The following CSRNP3 variants were observed in gnomAD, a reference collection of about 807,000 sequenced individuals.
The protein encoded by CSRNP3 is cysteine and serine rich nuclear protein 3, also known as cysteine/serine-rich nuclear protein 3.
Under a neutral mutation model 48.0 loss-of-function variants are expected in CSRNP3, and 12 were observed. The ratio of observed to expected loss-of-function variants is 0.25; its 90% CI spans 0.16 to 0.41. The LOEUF is 0.41. Among genes scored for constraint, CSRNP3 ranks in the 10% least tolerant of loss-of-function variants. The pLI is 1.00. For missense variants in CSRNP3, 580 were observed against 724.4 expected, an observed-to-expected ratio of 0.80 and a Z score of 2.29; for synonymous variants, 263 against 269.7, an observed-to-expected ratio of 0.98 and a Z score of 0.24.
chr2:165,490,435 T>C (rs1211092693), intron 1 of CSRNP3, among the ~76,000 whole-genome samples: 2 of 129,818 alleles, frequency 1.5e-5, no homozygotes, highest in Non-Finnish European at 3.2e-5. Flanking sequence ...CTTCACAGAA[T>C]TGGAAAAAAC....
chr2:165,506,191 C>T (rs977970728), intron 2 of CSRNP3, among the ~76,000 whole-genome samples: 6 of 152,158 alleles, frequency 3.9e-5, no homozygotes, highest in Admixed American at 3.9e-4. Context: ...ATATTACTCT[C>T]TTCTTGAAGA....
chr2:165,565,673 A>C (rs969094090), intron 3 of CSRNP3, among the ~76,000 whole-genome samples: 5 of 152,054 alleles, frequency 3.3e-5, no homozygotes, highest in African/African-American at 1.2e-4. Flanking sequence ...ATATCAAGGA[A>C]GCCAGCCACT....
intron 4 of CSRNP3, among the ~76,000 whole-genome samples, chr2:165,600,504 A>G (rs1685896604): frequency 6.6e-6 from 1 of 152,192 alleles, no homozygotes; most frequent in Non-Finnish European, 1.5e-5. Context: ...CTGAGGAATC[A>G]CCACACTGAC....
intron 3 of CSRNP3, among the ~76,000 whole-genome samples, chr2:165,588,473 G>A (rs1356297128): frequency 6.6e-6 from 1 of 152,232 alleles, no homozygotes; most frequent in African/African-American, 2.4e-5. Context: ...GAGAATAATT[G>A]GGAGGCCCTT....
intron 4 of CSRNP3, among the ~76,000 whole-genome samples, chr2:165,644,346 A>G (rs1319024849): frequency 6.6e-6 from 1 of 152,226 alleles, no homozygotes; most frequent in African/African-American, 2.4e-5. Context: ...ATTATTGAAG[A>G]AGAAAGACAT....
At chr2:165,582,125 G>A (rs192550863) in intron 3 of CSRNP3, among the ~76,000 whole-genome samples, 2,248 of 152,274 alleles carry the variant, frequency 0.015, 27 homozygotes, top group South Asian at 0.024. Context: ...TGTGCTACTG[G>A]TCAAAGAATA....
At position 165,584,676 on chromosome 2, in the gene CSRNP3, G is replaced by A. The variant is rs957183570; in HGVS notation, c.-23-10367G>A. 9.2e-5 allele frequency among the ~76,000 whole-genome samples: 14 copies of A among 152,248 alleles called. No homozygotes were observed. In the South Asian group the frequency reaches 2.7e-3, roughly 29 times the overall value. On this transcript the variant is annotated intron_variant, in intron 3 of 6. Coordinates refer to ENST00000651982, the MANE Select transcript of CSRNP3 (RefSeq NM_001172173.2). ...AAAAAGCTTATAGAATGAGTCAAAA[G>A]CCTGCAAAAAATTCAGAGTTGCACT...
intron 4 of CSRNP3, among the ~76,000 whole-genome samples, chr2:165,599,285 G>GAAAGAA (rs1685864751): frequency 2.7e-5 from 2 of 74,644 alleles, no homozygotes; most frequent in African/African-American, 7.4e-5. Context: ...GAGAGAGAGA[G>GAAAGAA]AAAGAAAGAA....
intron 5 of CSRNP3, among the ~76,000 whole-genome samples, chr2:165,658,598 C>T (rs995463686): frequency 3.3e-5 from 5 of 152,102 alleles, no homozygotes; most frequent in African/African-American, 4.8e-5. Context: ...CTGATAAAGA[C>T]ACACCCGGGA....
chr2:165,653,069 C>A (rs1686941110), intron 4 of CSRNP3, among the ~76,000 whole-genome samples: 1 of 152,148 alleles, frequency 6.6e-6, no homozygotes, highest in African/African-American at 2.4e-5. Flanking sequence ...TTCTCCCAGG[C>A]TCAAAGGGCA....
In CSRNP3 at chr2:165,593,012, G is replaced by A. The variant is rs569175114; in HGVS notation, c.-23-2031G>A. On this transcript the variant is annotated intron_variant, in intron 3 of 6. Transcript: ENST00000651982. ...GAGACGGGGTTTCACCGTTTTAGCC[G>A]GGATGGTCTCGATCTCCTGACCTCG... Among the ~76,000 whole-genome samples the A allele has an allele frequency of 3.7e-3, 557 of 151,372 alleles. 7 individuals carry two copies. Among genetic ancestry groups the A allele is most frequent in the African/African-American group, 0.013 (533 of 41,258 alleles).
chr2:165,555,837 G>A (rs775314155), intron 3 of CSRNP3, among the ~76,000 whole-genome samples: 2 of 151,774 alleles, frequency 1.3e-5, no homozygotes, highest in Non-Finnish European at 2.9e-5. Flanking sequence ...GCATGAGGTT[G>A]CATTTTATAT....
At chr2:165,524,439 C>T (rs2105238001) in intron 3 of CSRNP3, among the ~76,000 whole-genome samples, 1 of 152,202 alleles carries the variant, frequency 6.6e-6, no homozygotes, top group East Asian at 1.9e-4. Flanking sequence ...TTAAGCAATG[C>T]AAGAAAGCCA....
rs1010929192 is a variant in CSRNP3 at position 165,630,316 on chromosome 2, C to G, written c.149-27445C>G. ...GCATTTAGAATAGCCATTTTTATTT[C>G]TTGTATACCTAAGACTGACTCCTCC... On this transcript the variant is annotated intron_variant, in intron 4 of 6. Coordinates refer to ENST00000651982, the MANE Select transcript of CSRNP3 (RefSeq NM_001172173.2). 2.6e-5 allele frequency among the ~76,000 whole-genome samples: 4 copies of G among 152,134 alleles called. No individual in the cohort carries two copies. In the South Asian group the frequency reaches 8.3e-4, roughly 32 times the overall value.
At chr2:165,658,563 A>G (rs987706741) in intron 5 of CSRNP3, among the ~76,000 whole-genome samples, 6 of 152,188 alleles carry the variant, frequency 3.9e-5, no homozygotes, top group Admixed American at 3.3e-4. Flanking sequence ...AGCCAGAGCT[A>G]CTGTATTAGT....
At chr2:165,593,365 A>C (rs1685754440) in intron 3 of CSRNP3, among the ~76,000 whole-genome samples, 2 of 152,190 alleles carry the variant, frequency 1.3e-5, no homozygotes, top group African/African-American at 4.8e-5. Flanking sequence ...AGTGTGTTGC[A>C]AAATCACCCA....
chr2:165,596,128 CT>C (rs1045528227), intron 4 of CSRNP3, among the ~76,000 whole-genome samples: 5 of 130,540 alleles, frequency 3.8e-5, no homozygotes, highest in Middle Eastern at 7.9e-3. Context: ...CCTATGTTTT[CT>C]TTTTGATTTT....
chr2:165,543,822 G>C (rs999808642), intron 3 of CSRNP3, among the ~76,000 whole-genome samples: 3 of 151,846 alleles, frequency 2.0e-5, no homozygotes, highest in African/African-American at 7.2e-5. Flanking sequence ...TAAAATCAGT[G>C]GTTTCCAGTC....
chr2:165,603,608 A>G (rs547078284), intron 4 of CSRNP3, among the ~76,000 whole-genome samples: 1 of 152,108 alleles, frequency 6.6e-6, no homozygotes, highest in East Asian at 1.9e-4. Context: ...TTTCCATGCC[A>G]CACCAATTGC....
Sources: allele counts gnomAD v4.1 joint callset (sites outside exome capture counted in the v4.1 genomes callset), GRCh38; gene constraint gnomAD v4.1.1; transcripts MANE v1.5; gene names NCBI Gene and HGNC (gene_info 2026-07-23, HGNC 2026-07-21).